Variants in PLCG2 observed in about 807,000 individuals in gnomAD.
PLCG2 encodes the protein 1-phosphatidylinositol 4,5-bisphosphate phosphodiesterase gamma-2.
In PLCG2, 69 loss-of-function variants were observed where a neutral mutation model predicts 175.6. That is an observed-to-expected ratio of 0.39 (90% CI 0.32 to 0.48). PLCG2 has a LOEUF of 0.48. PLCG2 is among the 20% of genes least tolerant of loss of function. PLCG2 has a pLI of 0.91. For missense variants in PLCG2, 1,798 were observed against 1,650.9 expected (o/e 1.09, Z -1.54); for synonymous variants, 827 against 624.0 (o/e 1.33, Z -4.85).
intron 7 of PLCG2, among the ~76,000 whole-genome samples, chr16:81,878,023 C>G (rs1907895811): frequency 7.6e-6 from 1 of 131,130 alleles, no homozygotes; most frequent in Non-Finnish European, 1.6e-5. Flanking sequence ...GCTCTGTCAC[C>G]CAGGCTGGAG....
chr16:81,784,709 G>C (rs543461110), intron 1 of PLCG2, among the ~76,000 whole-genome samples: 2 of 152,278 alleles, frequency 1.3e-5, no homozygotes, highest in South Asian at 4.1e-4. Context: ...ACATTATCTT[G>C]TTTAAGCCTT....
chr16:81,868,096 A>G (rs1907335313), intron 5 of PLCG2, among the ~76,000 whole-genome samples: 1 of 152,196 alleles, frequency 6.6e-6, no homozygotes, highest in South Asian at 2.1e-4. Context: ...ATTCAAATCC[A>G]GGCTCTGCTG....
intron 8 of PLCG2, among the ~76,000 whole-genome samples, chr16:81,881,797 T>C (rs990117833): frequency 6.7e-6 from 1 of 149,904 alleles, no homozygotes; most frequent in Admixed American, 6.7e-5. Flanking sequence ...GCATCCATCA[T>C]GTCCAGCTAT....
chr16:81,876,114 C>T (rs980204410), intron 7 of PLCG2, among the ~76,000 whole-genome samples: 11 of 145,176 alleles, frequency 7.6e-5, no homozygotes, highest in Non-Finnish European at 1.2e-4. Flanking sequence ...CAGCCTCGAA[C>T]TCCCTGGCTC....
chr16:81,853,875 A>G (rs534881761), intron 2 of PLCG2, among the ~76,000 whole-genome samples: 1 of 152,250 alleles, frequency 6.6e-6, no homozygotes, highest in Admixed American at 6.5e-5. Flanking sequence ...TGTGATATCC[A>G]GAACCCCTGT....
At chr16:81,805,943 T>C (rs1283807427) in intron 2 of PLCG2, among the ~76,000 whole-genome samples, 2 of 151,986 alleles carry the variant, frequency 1.3e-5, no homozygotes, top group East Asian at 1.9e-4. Flanking sequence ...CGCAGTCATG[T>C]GTGTAGTTTA....
Position 81,859,102 on chromosome 16 carries a change from A to G in PLCG2, c.432-14A>G, listed in dbSNP as rs750581048. On this transcript the variant is annotated splice_polypyrimidine_tract_variant and intron_variant, in intron 4 of 32. Transcript: ENST00000564138. The stretch of plus-strand genomic sequence containing the variant: ...TCTCTTTCTCTCTTTCTTTTGTCTC[A>G]TATTTCTTTCCAGTTGGCTGAGAAA... 6.1e-5 allele frequency: 93 copies of G among 1,523,554 alleles called. 1 individual carries two copies. Among genetic ancestry groups the G allele is most frequent in the Middle Eastern group, 1.7e-4 (1 of 5,906 alleles). 94.4% of individuals were successfully genotyped at this position (1,523,554 alleles called of 1,614,324 possible).
intron 1 of PLCG2, among the ~76,000 whole-genome samples, chr16:81,782,602 A>G (rs1001291416): frequency 1.3e-5 from 2 of 152,182 alleles, no homozygotes; most frequent in African/African-American, 4.8e-5. Flanking sequence ...ATTGCATCTC[A>G]TAAGCTCATT....
intron 2 of PLCG2, among the ~76,000 whole-genome samples, chr16:81,812,481 G>A (rs1449505968): frequency 6.6e-6 from 1 of 152,170 alleles, no homozygotes; most frequent in African/African-American, 2.4e-5. Context: ...CTGCATAAAT[G>A]TCTTCTTTTG....
chr16:81,960,973 A>G lies in PLCG2; in HGVS notation c.*2975A>G, dbSNP rs1342353201. The stretch of plus-strand genomic sequence containing the variant: ...AGAAAATATGGCTGTCTCCACCTCT[A>G]GTCTTACTGTAGAGCATGTCCCAAG... On this transcript the variant is annotated 3_prime_UTR_variant, in exon 33 of 33. Coordinates refer to ENST00000564138, the MANE Select transcript of PLCG2 (RefSeq NM_002661.5). The G allele has an allele frequency of 1.7e-5, 4 of 229,650 alleles. No individual in the cohort carries two copies. Among genetic ancestry groups the G allele is most frequent in the Non-Finnish European group, 3.4e-5 (4 of 115,980 alleles). The allele number at this position is 229,650 out of a possible 1,614,324, so 14.2% of individuals were successfully genotyped here. A position where few individuals can be genotyped will look rare whatever the true frequency, so the allele number is the denominator to read the frequency against.
chr16:81,784,955 A>T (rs1910904741), intron 1 of PLCG2, among the ~76,000 whole-genome samples: 1 of 152,138 alleles, frequency 6.6e-6, no homozygotes, highest in Non-Finnish European at 1.5e-5. Context: ...GGGAGGGACT[A>T]AGGGATTTTG....
At chr16:81,883,454 C>T in intron 9 of PLCG2, 113 bp downstream of exon 9, 1 of 755,478 alleles carries the variant, frequency 1.3e-6, no homozygotes. Context: ...ACCTGGCCAC[C>T]TGTGCTCACC....
At chr16:81,803,633 T>TTCCTTCCCTCCC (rs1911853586) in intron 2 of PLCG2, among the ~76,000 whole-genome samples, 1 of 88,572 alleles carries the variant, frequency 1.1e-5, no homozygotes, top group Non-Finnish European at 2.3e-5. Flanking sequence ...TCTTTTCTTC[T>TTCCTTCCCTCCC]TCCCTCCCTC....
intron 7 of PLCG2, among the ~76,000 whole-genome samples, chr16:81,876,113 A>G (rs1386199307): frequency 1.4e-5 from 2 of 147,470 alleles, no homozygotes; most frequent in Non-Finnish European, 1.5e-5. Flanking sequence ...GCAGCCTCGA[A>G]CTCCCTGGCT....
intron 1 of PLCG2, among the ~76,000 whole-genome samples, chr16:81,755,651 G>A (rs1909906386): frequency 6.6e-6 from 1 of 151,886 alleles, no homozygotes; most frequent in Admixed American, 6.6e-5. Context: ...TCAGCGTCCC[G>A]AGTAGCTGGG....
chr16:81,960,054 CAG>C lies in PLCG2; in HGVS notation c.*2057_*2058del, dbSNP rs1389654775. On this transcript the variant is annotated 3_prime_UTR_variant, in exon 33 of 33. Transcript: ENST00000564138. ...AATCCATGCGTGGCCAAAGAGAAGT[CAG>C]GGGATTATGACATAAATGGTGCTGG... 6 of 218,440 alleles carry C rather than the reference CAG, an allele frequency of 2.7e-5. No individual in the cohort carries two copies. In the East Asian group the frequency reaches 4.0e-4, roughly 15 times the overall value. The allele number at this position is 218,440 out of a possible 1,614,324, so 13.5% of individuals were successfully genotyped here. A position where few individuals can be genotyped will look rare whatever the true frequency, so the allele number is the denominator to read the frequency against.
chr16:81,937,918 C>A lies in PLCG2; in HGVS notation c.3198+15C>A. 6.2e-7 allele frequency: 1 copy of A among 1,613,216 alleles called. No individual in the cohort carries two copies. The highest frequency in any genetic ancestry group is 1.3e-5 in the African/African-American group (1 of 75,030). The stretch of plus-strand genomic sequence containing the variant: ...TGACAGTCAAGGTAAAGCCAGCCCT[C>A]CCTTCCTGCCAGGGGAGCCAGCCGC... On this transcript the variant is annotated intron_variant, in intron 28 of 32. Coordinates refer to ENST00000564138, the MANE Select transcript of PLCG2 (RefSeq NM_002661.5).
At chr16:81,807,935 A>G (rs1003660197) in intron 2 of PLCG2, among the ~76,000 whole-genome samples, 5 of 152,198 alleles carry the variant, frequency 3.3e-5, no homozygotes, top group African/African-American at 1.2e-4. Context: ...AGATGGTGCA[A>G]AACCGTTAAT....
At chr16:81,768,584 A>G (rs7198562) in intron 2 of PLCG2, among the ~76,000 whole-genome samples, 10,373 of 101,336 alleles carry the variant, frequency 0.1, 631 homozygotes, top group Middle Eastern at 0.3. Flanking sequence ...TTTTTTCCCG[A>G]GATGGAGTTT....
Sources: allele counts gnomAD v4.1 joint callset (sites outside exome capture counted in the v4.1 genomes callset), GRCh38; gene constraint gnomAD v4.1.1; transcripts MANE v1.5; gene names NCBI Gene and HGNC (gene_info 2026-07-23, HGNC 2026-07-21).